CAMK1D: variants seen among roughly 807,000 people sequenced by gnomAD.
CAMK1D encodes calcium/calmodulin dependent protein kinase ID.
In CAMK1D, 9 loss-of-function variants were observed where a neutral mutation model predicts 47.7. That is an observed-to-expected ratio of 0.19 (90% confidence interval 0.11 to 0.33). The LOEUF (loss-of-function observed/expected upper bound fraction) is 0.33. Among genes scored for constraint, CAMK1D ranks in the 10% least tolerant of loss-of-function variants. The pLI, the probability that CAMK1D is intolerant of heterozygous loss-of-function variation, is 1.00. For missense variants in CAMK1D, 291 were observed against 488.7 expected, an observed-to-expected ratio of 0.60 and a Z score of 3.81; for synonymous variants, 184 against 184.9, an observed-to-expected ratio of 0.99 and a Z score of 0.04.
At chr10:12,413,539 GAGT>G (rs1839740532) in intron 1 of CAMK1D, among the ~76,000 whole-genome samples, 1 of 152,342 alleles carries the variant, frequency 6.6e-6, no homozygotes, top group Admixed American at 6.5e-5. Flanking sequence ...TGATGATGAT[GAGT>G]ATGATGGTGA....
At chr10:12,389,264 G>A (rs893620503) in intron 1 of CAMK1D, among the ~76,000 whole-genome samples, 7 of 152,172 alleles carry the variant, frequency 4.6e-5, no homozygotes, top group African/African-American at 1.7e-4. Context: ...GGTGGTTGGC[G>A]GTGGCGCGTG....
intron 1 of CAMK1D, among the ~76,000 whole-genome samples, chr10:12,485,321 C>T (rs1281420949): frequency 6.6e-6 from 1 of 152,184 alleles, no homozygotes; most frequent in South Asian, 2.1e-4. Flanking sequence ...CCAGTGGTGG[C>T]TCCTGGGATG....
intron 1 of CAMK1D, among the ~76,000 whole-genome samples, chr10:12,547,912 A>G (rs1836448707): frequency 6.6e-6 from 1 of 152,214 alleles, no homozygotes; most frequent in African/African-American, 2.4e-5. Flanking sequence ...GTCAATGCAC[A>G]TTGTTTGGCT....
intron 8 of CAMK1D, 41 bp downstream of exon 8, chr10:12,816,369 G>A (rs1354380988): frequency 1.8e-5 from 28 of 1,528,654 alleles, no homozygotes; most frequent in Non-Finnish European, 2.4e-5. Flanking sequence ...GCCATTTAAT[G>A]CCATCTGGGG....
intron 1 of CAMK1D, among the ~76,000 whole-genome samples, chr10:12,549,210 C>T (rs544753159): frequency 2.0e-5 from 3 of 152,326 alleles, no homozygotes; most frequent in South Asian, 4.1e-4. Flanking sequence ...AAACAGAACT[C>T]CCCATTGCCT....
chr10:12,770,087 C>T (rs1405480758), intron 5 of CAMK1D, among the ~76,000 whole-genome samples: 1 of 152,080 alleles, frequency 6.6e-6, no homozygotes, highest in Non-Finnish European at 1.5e-5. Flanking sequence ...TGGATGAATC[C>T]CAGGTTCCAT....
intron 3 of CAMK1D, among the ~76,000 whole-genome samples, chr10:12,701,637 T>C: frequency 6.6e-6 from 1 of 152,250 alleles, no homozygotes; most frequent in Non-Finnish European, 1.5e-5. Flanking sequence ...TTTAAGTATC[T>C]ATCTTCCAGT....
intron 1 of CAMK1D, among the ~76,000 whole-genome samples, chr10:12,524,501 A>C (rs1039629417): frequency 1.3e-5 from 2 of 151,846 alleles, no homozygotes; most frequent in Non-Finnish European, 2.9e-5. Context: ...AGGTCAGGAG[A>C]CCGAGACCAT....
At chr10:12,647,829 A>C (rs904899711) in intron 2 of CAMK1D, among the ~76,000 whole-genome samples, 1 of 152,154 alleles carries the variant, frequency 6.6e-6, no homozygotes, top group South Asian at 2.1e-4. Context: ...TTCTGAAGCA[A>C]CTTTGAATGC....
chr10:12,381,685 A>G (rs1838351497), intron 1 of CAMK1D, among the ~76,000 whole-genome samples: 1 of 152,144 alleles, frequency 6.6e-6, no homozygotes, highest in African/African-American at 2.4e-5. Flanking sequence ...ATACAGTCTG[A>G]GTTCTCTGAC....
At chr10:12,423,955 C>T (rs957320414) in intron 1 of CAMK1D, among the ~76,000 whole-genome samples, 5 of 152,170 alleles carry the variant, frequency 3.3e-5, no homozygotes, top group Admixed American at 6.5e-5. Flanking sequence ...TCTTGAGCTG[C>T]GTTGTTCGGT....
chr10:12,563,696 AGAGGGAGAGAGAGG>A (rs1234628335), intron 2 of CAMK1D, among the ~76,000 whole-genome samples: 10 of 64,144 alleles, frequency 1.6e-4, no homozygotes, highest in African/African-American at 3.5e-4. Flanking sequence ...AGAGAGAGAG[AGAGGGAGAGAGAGG>A]GAGAGAGAGA....
chr10:12,373,596 T>C (rs566746038), intron 1 of CAMK1D, among the ~76,000 whole-genome samples: 28 of 149,972 alleles, frequency 1.9e-4, no homozygotes, highest in Non-Finnish European at 2.5e-4. Flanking sequence ...CGTGCCACTG[T>C]ACTCCAGCCC....
At chr10:12,680,867 AGAGT>A (rs1840968943) in intron 3 of CAMK1D, among the ~76,000 whole-genome samples, 1 of 147,564 alleles carries the variant, frequency 6.8e-6, no homozygotes, top group Non-Finnish European at 1.5e-5. Flanking sequence ...CCTGGGTGAC[AGAGT>A]GAGACCATGT....
chr10:12,755,214 G>A (rs926839304), intron 3 of CAMK1D, among the ~76,000 whole-genome samples: 16 of 152,338 alleles, frequency 1.1e-4, no homozygotes, highest in Middle Eastern at 3.4e-3. Flanking sequence ...TAATCTCTGA[G>A]AAGTGGGTGA....
intron 1 of CAMK1D, among the ~76,000 whole-genome samples, chr10:12,488,927 T>TTTTA (rs1834296921): frequency 1.3e-5 from 2 of 152,086 alleles, no homozygotes; most frequent in South Asian, 4.1e-4. Context: ...CTGTGCAGCC[T>TTTTA]TTTATTTATT....
At chr10:12,402,329 G>C (rs377641873) in intron 1 of CAMK1D, among the ~76,000 whole-genome samples, 2 of 151,956 alleles carry the variant, frequency 1.3e-5, no homozygotes, top group African/African-American at 4.8e-5. Flanking sequence ...TACCTCCCAG[G>C]CTCAATTGAT....
At chr10:12,563,000 C>A (rs986153702) in intron 2 of CAMK1D, among the ~76,000 whole-genome samples, 3 of 152,188 alleles carry the variant, frequency 2.0e-5, no homozygotes, top group Non-Finnish European at 4.4e-5. Flanking sequence ...GAAACAGAAG[C>A]AATAGGATAT....
At chr10:12,694,142 T>TATATATTATGC (rs1833096208) in intron 3 of CAMK1D, among the ~76,000 whole-genome samples, 2 of 7,962 alleles carry the variant, frequency 2.5e-4, no homozygotes, top group Non-Finnish European at 4.8e-4. Flanking sequence ...TTATATATAA[T>TATATATTATGC]ATAATATATA....
Sources: allele counts gnomAD v4.1 joint callset (sites outside exome capture counted in the v4.1 genomes callset), GRCh38; gene constraint gnomAD v4.1.1; transcripts MANE v1.5; gene names NCBI Gene and HGNC (gene_info 2026-07-23, HGNC 2026-07-21).